Variants in NCKAP5 observed in about 807,000 individuals in gnomAD.
The protein encoded by NCKAP5 is NCK associated protein 5, also known as nck-associated protein 5.
In NCKAP5, 92 loss-of-function variants were observed where a neutral mutation model predicts 167.0. That is an observed-to-expected ratio of 0.55 (90% CI 0.47 to 0.66). The LOEUF is 0.66. Among genes scored for constraint, NCKAP5 ranks in the 30% least tolerant of loss-of-function variants. The probability of loss-of-function intolerance (pLI) is 0.00; values close to 1 mark genes in which losing one functional copy is unlikely to be tolerated. For missense variants in NCKAP5, 2,378 were observed against 2,315.0 expected (o/e 1.03, Z -0.56); for synonymous variants, 891 against 877.4 (o/e 1.02, Z -0.27).
At position 132,731,997 on chromosome 2, in the gene NCKAP5, G is replaced by C. The variant is rs761159643; in HGVS notation, c.5183C>G (p.Pro1728Arg). 6.8e-6 allele frequency: 11 copies of C among 1,613,860 alleles called. No homozygotes were observed. In the South Asian group the frequency reaches 1.2e-4, roughly 18 times the overall value. ...TCCTGTCGAGCGATTTCCCGAGTCT[G>C]GGAGTGGAAAGGTTCCGATCCCACT... ...LDSGIGTFPLPDSGNRSTGRY... is the reference protein window; with the variant it reads ...LDSGIGTFPLRDSGNRSTGRY... The change falls in exon 17 of 20, where the codon CCA becomes CGA. Residue 1728 changes from proline (P) to arginine (R), a missense_variant. By Grantham distance (103) the Pro-to-Arg change is moderately radical. Around this residue, in one of 3 missense-constraint regions of NCKAP5, gnomAD observed 1,325 missense variants for 1,274.5 expected, o/e 1.04. Transcript: ENST00000409261.
chr2:132,703,716 A>G (rs1432677424), intron 19 of NCKAP5, among the ~76,000 whole-genome samples: 2 of 152,232 alleles, frequency 1.3e-5, no homozygotes, highest in Non-Finnish European at 2.9e-5. Flanking sequence ...TCATTCAACA[A>G]ACATTTATAA....
At chr2:133,045,156 A>G (rs2079351744) in intron 6 of NCKAP5, among the ~76,000 whole-genome samples, 1 of 152,134 alleles carries the variant, frequency 6.6e-6, no homozygotes, top group South Asian at 2.1e-4. Flanking sequence ...AAGAGCCACA[A>G]AGAAATGATA....
intron 6 of NCKAP5, among the ~76,000 whole-genome samples, chr2:133,058,357 GAAAAGT>G (rs1350295570): frequency 6.6e-6 from 1 of 152,156 alleles, no homozygotes; most frequent in Non-Finnish European, 1.5e-5. Context: ...ATCCATCTGA[GAAAAGT>G]AAATTGAAAA....
At chr2:132,977,242 T>C (rs1183988906) in intron 7 of NCKAP5, among the ~76,000 whole-genome samples, 1 of 152,198 alleles carries the variant, frequency 6.6e-6, no homozygotes, top group Non-Finnish European at 1.5e-5. Flanking sequence ...CTGATGACAC[T>C]GGGAGTGAGA....
chr2:133,290,199 G>C (rs889904621), intron 4 of NCKAP5, among the ~76,000 whole-genome samples: 1 of 152,062 alleles, frequency 6.6e-6, no homozygotes, highest in Non-Finnish European at 1.5e-5. Flanking sequence ...TGTAAAAGTA[G>C]CTTGATCTAC....
chr2:133,306,726 C>T (rs1051612206), intron 3 of NCKAP5, among the ~76,000 whole-genome samples: 1 of 152,198 alleles, frequency 6.6e-6, no homozygotes, highest in African/African-American at 2.4e-5. Flanking sequence ...ACTCTCCCTA[C>T]CATGAAATGG....
chr2:132,985,225 C>T (rs1379894429), intron 7 of NCKAP5, among the ~76,000 whole-genome samples: 2 of 151,962 alleles, frequency 1.3e-5, no homozygotes, highest in African/African-American at 2.4e-5. Flanking sequence ...GAAAAGCATT[C>T]GTGTCTGAGC....
At chr2:133,379,797 G>A (rs1686392507) in intron 3 of NCKAP5, among the ~76,000 whole-genome samples, 2 of 152,158 alleles carry the variant, frequency 1.3e-5, no homozygotes, top group South Asian at 2.1e-4. Context: ...GTAAAATGCA[G>A]CTGTCATTTA....
chr2:133,456,849 A>C (rs2151217064), intron 3 of NCKAP5, among the ~76,000 whole-genome samples: 1 of 152,256 alleles, frequency 6.6e-6, no homozygotes, highest in South Asian at 2.1e-4. Flanking sequence ...GTAGTGTCAA[A>C]CCCACACATT....
At chr2:133,582,293 G>T in the NCKAP5 span, among the ~76,000 whole-genome samples, 1 of 152,184 alleles carries the variant, frequency 6.6e-6, no homozygotes, top group African/African-American at 2.4e-5. Flanking sequence ...ACCCAACATT[G>T]TTCCACAAGT....
chr2:133,142,887 G>A (rs2083051976), intron 5 of NCKAP5, among the ~76,000 whole-genome samples: 1 of 152,076 alleles, frequency 6.6e-6, no homozygotes, highest in African/African-American at 2.4e-5. Flanking sequence ...ATTTGGACCA[G>A]TTAGATTTAT....
At chr2:133,627,469 A>G in the NCKAP5 span, among the ~76,000 whole-genome samples, 1 of 152,188 alleles carries the variant, frequency 6.6e-6, no homozygotes, top group Non-Finnish European at 1.5e-5. Flanking sequence ...AAGTTTGGCA[A>G]TATACATTAA....
At chr2:132,949,000 A>C (rs1442301485) in intron 8 of NCKAP5, among the ~76,000 whole-genome samples, 2 of 113,760 alleles carry the variant, frequency 1.8e-5, no homozygotes, top group Non-Finnish European at 3.3e-5. Flanking sequence ...AGATCCAGAG[A>C]AATGAAAAGA....
chr2:132,825,711 C>T (rs992695961), intron 11 of NCKAP5, among the ~76,000 whole-genome samples: 23 of 152,206 alleles, frequency 1.5e-4, no homozygotes, highest in Non-Finnish European at 3.1e-4. Flanking sequence ...TAACTACTAT[C>T]CCTGGTCTTA....
rs758235811 is a variant in NCKAP5 at position 132,782,074 on chromosome 2, A to G, written c.4737T>C (p.Asp1579=). ...GATTATTTTTGCTTTGTAAACCGCC[A>G]TCTGGATTATCTGCTGACTTGGTGT... The part of the protein sequence containing the change: ...IKDTKSADNP[D]GGLQSKNNRR... Residue 1579 remains aspartate, a synonymous_variant, in exon 14 of 20, where the codon GAT becomes GAC. Transcript: ENST00000409261. 1 of 1,614,022 alleles carries G rather than the reference A, an allele frequency of 6.2e-7. No individual in the cohort carries two copies. The highest frequency in any genetic ancestry group is 8.5e-7 in the Non-Finnish European group (1 of 1,179,888).
chr2:133,393,885 G>A (rs13417230), intron 3 of NCKAP5, among the ~76,000 whole-genome samples: 18,173 of 152,222 alleles, frequency 0.12, 1,214 homozygotes, highest in Non-Finnish European at 0.15. Context: ...GAATCAAGAA[G>A]CAAGCCAATA....
chr2:132,994,121 T>G, intron 7 of NCKAP5, 31 bp downstream of exon 7: 1 of 1,443,362 alleles, frequency 6.9e-7, no homozygotes. Flanking sequence ...AGCAGACCAG[T>G]ACCCAGCCAA....
chr2:133,095,996 C>T (rs551473868), intron 6 of NCKAP5, among the ~76,000 whole-genome samples: 21 of 152,262 alleles, frequency 1.4e-4, no homozygotes, highest in African/African-American at 4.8e-4. Context: ...ACAAGGTTGG[C>T]ACATTTAAAA....
chr2:133,291,698 G>A (rs1679614330), intron 4 of NCKAP5, among the ~76,000 whole-genome samples: 1 of 152,200 alleles, frequency 6.6e-6, no homozygotes, highest in Admixed American at 6.5e-5. Context: ...AAACTCCAGA[G>A]GCTTCCCTGG....
Sources: gnomAD v4.1 joint callset for allele counts (sites outside exome capture counted in the v4.1 genomes callset) on GRCh38, gnomAD v4.1.1 for gene constraint, gnomAD v4.1.1 regional missense constraint, MANE v1.5 for transcripts, NCBI Gene and HGNC (gene_info 2026-07-23, HGNC 2026-07-21) for gene names.